Variants in LIFR observed in about 807,000 individuals in gnomAD.
The protein encoded by LIFR is LIF receptor subunit alpha, also known as leukemia inhibitory factor receptor.
LIFR carries 84 observed loss-of-function variants against 122.2 expected under a neutral mutation model. The ratio of observed to expected loss-of-function variants is 0.69; its 90% confidence interval spans 0.58 to 0.82. The LOEUF (loss-of-function observed/expected upper bound fraction) is 0.82. LIFR is among the 40% of genes least tolerant of loss of function. LIFR has a pLI of 0.00. For missense variants in LIFR, 1,294 were observed against 1,311.6 expected (o/e 0.99, Z 0.21); for synonymous variants, 422 against 434.7 (o/e 0.97, Z 0.36).
At position 38,556,364 on chromosome 5, in the gene LIFR, C is replaced by T. The variant is rs928534844; in HGVS notation, c.-50G>A. The T allele has an allele frequency of 3.9e-5, 6 of 152,222 alleles. No homozygotes were observed. Among genetic ancestry groups the T allele is most frequent in the African/African-American group, 1.2e-4 (5 of 41,416 alleles). The allele number at this position is 152,222 out of a possible 1,614,324, so 9.4% of individuals were successfully genotyped here. On this transcript the variant is annotated 5_prime_UTR_variant, in exon 1 of 20. Transcript: ENST00000453190. ...GCTCCCGCGCCGCTATCTTGCCATC[C>T]CCTGCCGCCGGCTCTGTAGCCTCGG...
intron 5 of LIFR, among the ~76,000 whole-genome samples, chr5:38,522,202 T>G (rs1477869105): frequency 1.3e-5 from 2 of 152,230 alleles, no homozygotes; most frequent in Admixed American, 6.5e-5. Context: ...TCAGCCTTAG[T>G]GGTGGCACAT....
intron 2 of LIFR, among the ~76,000 whole-genome samples, chr5:38,605,636 T>A: frequency 6.6e-6 from 1 of 152,160 alleles, no homozygotes. Flanking sequence ...TAAAAAAAGA[T>A]ACCTGCTAAG....
intron 2 of LIFR, chr5:38,606,110 A>G (rs899998336): frequency 6.6e-6 from 1 of 152,200 alleles, no homozygotes; most frequent in Non-Finnish European, 1.5e-5. Flanking sequence ...CAGATCTAGA[A>G]TAAGACCATG....
chr5:38,501,182 G>C (rs951435094), intron 11 of LIFR, among the ~76,000 whole-genome samples: 2 of 152,214 alleles, frequency 1.3e-5, no homozygotes, highest in African/African-American at 4.8e-5. Flanking sequence ...TTAAGCCACT[G>C]AATTTTAGGG....
chr5:38,590,348 G>C (rs1749884553), intron 1 of LIFR, among the ~76,000 whole-genome samples: 1 of 152,142 alleles, frequency 6.6e-6, no homozygotes, highest in Non-Finnish European at 1.5e-5. Context: ...GGAGATGAAA[G>C]TAGGGAGGTG....
intron 1 of LIFR, among the ~76,000 whole-genome samples, chr5:38,553,508 TA>T (rs1748315882): frequency 6.6e-6 from 1 of 151,040 alleles, no homozygotes; most frequent in Non-Finnish European, 1.5e-5. Flanking sequence ...AGATGCCCAA[TA>T]AACACCTATT....
At position 38,476,224 on chromosome 5, in the gene LIFR, C is replaced by A. The variant is rs546275142; in HGVS notation, c.*5371G>T. On this transcript the variant is annotated 3_prime_UTR_variant, in exon 20 of 20. Transcript: ENST00000453190. ...TGTATGAAAACCATTATTCAGTGTT[C>A]TTTTCTATGAGCAATTGCAAAAACA... 6.4e-4 allele frequency: 132 copies of A among 207,404 alleles called. No individual in the cohort carries two copies. Among genetic ancestry groups the A allele is most frequent in the African/African-American group, 2.9e-3 (127 of 44,024 alleles). The allele number at this position is 207,404 out of a possible 1,614,324, so 12.8% of individuals were successfully genotyped here. A position where few individuals can be genotyped will look rare whatever the true frequency, so the allele number is the denominator to read the frequency against.
At chr5:38,508,866 A>G (rs374747030) in intron 7 of LIFR, among the ~76,000 whole-genome samples, 14 of 152,056 alleles carry the variant, frequency 9.2e-5, no homozygotes, top group Admixed American at 2.6e-4. Flanking sequence ...TTACAGGCGT[A>G]AGCCACCACA....
intron 1 of LIFR, among the ~76,000 whole-genome samples, chr5:38,548,788 A>C (rs1748032610): frequency 6.6e-6 from 1 of 152,096 alleles, no homozygotes. Flanking sequence ...AGTAAATAAA[A>C]CTCGACAAAG....
At chr5:38,602,913 A>G (rs886125804) in intron 2 of LIFR, among the ~76,000 whole-genome samples, 37 of 152,198 alleles carry the variant, frequency 2.4e-4, no homozygotes, top group Admixed American at 2.3e-3. Flanking sequence ...GGGAATACGC[A>G]TTAAAAGACA....
chr5:38,559,250 G>T (rs1748740810), upstream of LIFR: 1 of 152,238 alleles, frequency 6.6e-6, no homozygotes, highest in Non-Finnish European at 1.5e-5. Flanking sequence ...GGTACAATTT[G>T]AAGAGTTGCG....
chr5:38,593,139 G>A (rs1430312117), intron 1 of LIFR, among the ~76,000 whole-genome samples: 1 of 151,938 alleles, frequency 6.6e-6, no homozygotes, highest in Non-Finnish European at 1.5e-5. Flanking sequence ...GGAGGCGGAG[G>A]TTGCGGTGAG....
At position 38,510,726 on chromosome 5, in the gene LIFR, G is replaced by T; in HGVS notation, c.737-8C>A. On this transcript the variant is annotated splice_polypyrimidine_tract_variant and splice_region_variant and intron_variant, in intron 6 of 19. Coordinates refer to ENST00000453190, the MANE Select transcript of LIFR (RefSeq NM_001127671.2). ...TCTGAGAATCAGGTATCCCTAGAAA[G>T]AAAAAGAGGAATTATAAACATTTTA... 6.2e-7 allele frequency: 1 copy of T among 1,601,726 alleles called. No homozygotes were observed. The highest frequency in any genetic ancestry group is 8.5e-7 in the Non-Finnish European group (1 of 1,170,754).
chr5:38,516,301 C>A (rs72742538), intron 5 of LIFR, among the ~76,000 whole-genome samples: 133 of 152,158 alleles, frequency 8.7e-4, no homozygotes, highest in Middle Eastern at 6.8e-3. Flanking sequence ...AAAAAAGCCT[C>A]GTCCCTATCC....
At chr5:38,563,931 C>T (rs372135034) in intron 1 of LIFR, among the ~76,000 whole-genome samples, 2 of 152,256 alleles carry the variant, frequency 1.3e-5, no homozygotes, top group Middle Eastern at 3.4e-3. Flanking sequence ...TCACCTACAC[C>T]GTAGTGCCGC....
At chr5:38,588,086 T>C (rs545506513) in intron 1 of LIFR, among the ~76,000 whole-genome samples, 6 of 152,336 alleles carry the variant, frequency 3.9e-5, no homozygotes, top group Non-Finnish European at 8.8e-5. Context: ...TAGCTGCAAT[T>C]GGAGGTTGTG....
chr5:38,532,467 G>A (rs1309846131), intron 1 of LIFR, among the ~76,000 whole-genome samples: 2 of 152,180 alleles, frequency 1.3e-5, no homozygotes, highest in African/African-American at 4.8e-5. Flanking sequence ...GCAGGGAACA[G>A]GCACGCAGAC....
intron 1 of LIFR, among the ~76,000 whole-genome samples, chr5:38,591,709 T>C (rs1223643874): frequency 1.3e-5 from 2 of 152,216 alleles, no homozygotes; most frequent in Non-Finnish European, 2.9e-5. Context: ...AATATTGTTT[T>C]GCTCTTGTCC....
intron 11 of LIFR, among the ~76,000 whole-genome samples, chr5:38,500,184 T>A (rs1026362514): frequency 2.0e-5 from 3 of 152,182 alleles, no homozygotes; most frequent in African/African-American, 7.2e-5. Context: ...TGTGTGTACA[T>A]ACATACATAT....
Sources: gnomAD v4.1 joint callset for allele counts (sites outside exome capture counted in the v4.1 genomes callset) on GRCh38, gnomAD v4.1.1 for gene constraint, MANE v1.5 for transcripts, NCBI Gene and HGNC (gene_info 2026-07-23, HGNC 2026-07-21) for gene names.